Variants in MT3 observed in about 807,000 individuals in gnomAD.
The protein encoded by MT3 is metallothionein-3.
A neutral mutation model predicts 10.9 loss-of-function variants in MT3; 8 were observed. The observed-to-expected ratio is 0.73, with a 90% CI of 0.43 to 1.33. The LOEUF (loss-of-function observed/expected upper bound fraction) is 1.33. MT3 is among the 40% of genes most tolerant of loss of function. The probability of loss-of-function intolerance (pLI) is 0.01; values close to 1 mark genes in which losing one functional copy is unlikely to be tolerated. For synonymous variants in MT3, 32 were observed against 29.9 expected (o/e 1.07, Z -0.23); for missense variants, 75 against 83.9 (o/e 0.89, Z 0.41).
intron 1 of MT3, 40 bp downstream of exon 1, chr16:56,589,661 C>T (rs1437539605): frequency 6.2e-7 from 1 of 1,605,306 alleles, no homozygotes; most frequent in South Asian, 1.1e-5. Flanking sequence ...GCACTGCGCG[C>T]CCTTGTACCT....
intron 2 of MT3, 138 bp downstream of exon 2, chr16:56,590,073 C>A (rs1196665124): frequency 2.3e-6 from 2 of 888,078 alleles, no homozygotes; most frequent in Non-Finnish European, 3.6e-6. Flanking sequence ...ACCACCCGGG[C>A]AGACATTAAA....
In MT3 at chr16:56,590,861, C is replaced by A. The variant is rs754570773; in HGVS notation, c.119C>A (p.Ala40Glu). Residue 40 changes from alanine (A) to glutamate (E), a missense_variant, in exon 3 of 3, where the codon GCG becomes GAG. Coordinates refer to ENST00000200691, the MANE Select transcript of MT3 (RefSeq NM_005954.4). ...GCAGGCTGCTGCTCCTGCTGCCCTG[C>A]GGAGTGTGAGAAGTGTGCCAAGGAC... ...CKKSCCSCCP[A>E]ECEKCAKDCV... 6.2e-7 allele frequency: 1 copy of A among 1,613,932 alleles called. No individual in the cohort carries two copies. The highest frequency in any genetic ancestry group is 8.5e-7 in the Non-Finnish European group (1 of 1,179,966).
intron 2 of MT3, chr16:56,590,251 A>C (rs1046624434): frequency 6.6e-6 from 4 of 604,158 alleles, no homozygotes; most frequent in Non-Finnish European, 8.9e-6. Context: ...TGGGGAAGCC[A>C]TTAGTGAGGC....
chr16:56,591,023 TGTGGCTG>T lies in MT3; in HGVS notation c.*78_*84del. ...AGTGCCACCTATGCCTGTGGTGAAG[TGTGGCTG>T]GTGTCCCCTTCCCCTGCTGACCTTG... is the stretch of plus-strand genomic sequence containing the variant. On this transcript the variant is annotated 3_prime_UTR_variant, in exon 3 of 3. Transcript: ENST00000200691. The T allele has an allele frequency of 7.9e-7, 1 of 1,260,384 alleles. No individual in the cohort carries two copies. Among genetic ancestry groups the T allele is most frequent in the Non-Finnish European group, 1.1e-6 (1 of 878,880 alleles). The allele number at this position is 1,260,384 out of a possible 1,614,324, so 78.1% of individuals were successfully genotyped here.
At chr16:56,590,590 G>A (rs1372533417) in intron 2 of MT3, 6 of 542,518 alleles carry the variant, frequency 1.1e-5, no homozygotes, top group Non-Finnish European at 2.0e-5. Context: ...CCAGCCCCCA[G>A]GACTTCCTGG....
chr16:56,590,613 G>A, intron 2 of MT3: 2 of 564,584 alleles, frequency 3.5e-6, no homozygotes, highest in Non-Finnish European at 6.4e-6. Flanking sequence ...TCCACCCAAG[G>A]GGCTCTGGTC....
At chr16:56,589,989 G>A (rs1306870675) in intron 2 of MT3, 54 bp downstream of exon 2, 1 of 1,587,174 alleles carries the variant, frequency 6.3e-7, no homozygotes, top group Non-Finnish European at 8.6e-7. Context: ...CTGCGGAGTC[G>A]GTGTCTCACC....
intron 2 of MT3, 98 bp from the exon 3 acceptor site, chr16:56,590,742 C>T: frequency 8.3e-7 from 1 of 1,208,894 alleles, no homozygotes; most frequent in African/African-American, 1.5e-5. Context: ...CTGAATGAAC[C>T]AGGATGACTC....
chr16:56,590,757 C>T (rs1299793912), intron 2 of MT3, 83 bp from the exon 3 acceptor site: 1 of 1,391,916 alleles, frequency 7.2e-7, no homozygotes, highest in Non-Finnish European at 9.9e-7. Flanking sequence ...TGACTCCCCA[C>T]CCAGCACCCT....
intron 1 of MT3, 96 bp downstream of exon 1, chr16:56,589,717 G>A (rs1456419915): frequency 2.5e-6 from 4 of 1,593,448 alleles, no homozygotes; most frequent in Non-Finnish European, 2.6e-6. Context: ...ACACTTGGGG[G>A]AAGGGCCCCT....
chr16:56,590,528 G>A, intron 2 of MT3: 1 of 453,212 alleles, frequency 2.2e-6, no homozygotes, highest in Non-Finnish European at 4.0e-6. Flanking sequence ...CGTTTACCCT[G>A]TGATGCTTTC....
Position 56,590,998 on chromosome 16 carries a change from A to T in MT3, c.*49A>T. On this transcript the variant is annotated 3_prime_UTR_variant, in exon 3 of 3. Transcript: ENST00000200691. ...ACGTGGAGATAGTGCCAGGTGGCTC[A>T]GTGCCACCTATGCCTGTGGTGAAGT... 1.3e-6 allele frequency: 2 copies of T among 1,493,826 alleles called. No individual in the cohort carries two copies. The highest frequency in any genetic ancestry group is 1.8e-6 in the Non-Finnish European group (2 of 1,081,592). The allele number at this position is 1,493,826 out of a possible 1,614,324, so 92.5% of individuals were successfully genotyped here. A position where few individuals can be genotyped will look rare whatever the true frequency, so the allele number is the denominator to read the frequency against.
chr16:56,590,389 G>C, intron 2 of MT3: 1 of 504,452 alleles, frequency 2.0e-6, no homozygotes, highest in Non-Finnish European at 3.5e-6. Context: ...GTGGGAGGAA[G>C]GCTCCCTTCT....
chr16:56,590,135 G>A, intron 2 of MT3, 200 bp downstream of exon 2: 1 of 707,686 alleles, frequency 1.4e-6, no homozygotes. Flanking sequence ...GGCGTGGGAC[G>A]AGAGGTTTTT....
intron 2 of MT3, chr16:56,590,347 C>A (rs1408067393): frequency 1.4e-5 from 8 of 579,070 alleles, no homozygotes; most frequent in Non-Finnish European, 2.5e-5. Context: ...CTCCCCAGCT[C>A]ACGGCAGTGT....
At chr16:56,590,335 ATC>A in intron 2 of MT3, 1 of 582,604 alleles carries the variant, frequency 1.7e-6, no homozygotes, top group Non-Finnish European at 3.1e-6. Context: ...TGATCTCAAA[ATC>A]TCCCCAGCTC....
chr16:56,589,917 T>C lies in MT3; in HGVS notation c.79T>C (p.Cys27Arg), dbSNP rs1310536869. 6.2e-7 allele frequency: 1 copy of C among 1,613,966 alleles called. No individual in the cohort carries two copies. The highest frequency in any genetic ancestry group is 2.2e-5 in the East Asian group (1 of 44,880). Residue 27 changes from cysteine to arginine, a missense_variant, in exon 2 of 3, where the codon TGC becomes CGC. Transcript: ENST00000200691. ...ADSCKCEGCKCTSCKKSCCSC... is the reference protein window; with the variant it reads ...ADSCKCEGCKRTSCKKSCCSC... Reference sequence around the variant, plus strand: ...CTCCTGCAAGTGCGAGGGATGCAAATGCACCTCCTGCAAGAAGAGTGAGTG... The same window carrying C: ...CTCCTGCAAGTGCGAGGGATGCAAACGCACCTCCTGCAAGAAGAGTGAGTG...
At chr16:56,590,101 C>G (rs1959804692) in intron 2 of MT3, 166 bp downstream of exon 2, 2 of 752,080 alleles carry the variant, frequency 2.7e-6, no homozygotes, top group East Asian at 5.3e-5. Flanking sequence ...TGCCCCTGCC[C>G]CACACCCAGG....
chr16:56,589,843 C>T (rs764028292), intron 1 of MT3, 27 bp from the exon 2 acceptor site: 10 of 1,613,356 alleles, frequency 6.2e-6, no homozygotes, highest in Non-Finnish European at 8.5e-6. Context: ...TCCACATTAA[C>T]CCTTCCTGTG....
Sources: allele counts gnomAD v4.1 joint callset, GRCh38; gene constraint gnomAD v4.1.1; transcripts MANE v1.5; gene names NCBI Gene and HGNC (gene_info 2026-07-23, HGNC 2026-07-21).